GRIA2: variants seen among roughly 807,000 people sequenced by gnomAD.
GRIA2 encodes glutamate receptor 2.
GRIA2 carries 14 observed loss-of-function variants against 97.3 expected under a neutral mutation model. The observed-to-expected ratio is 0.14, with a 90% CI of 0.10 to 0.23. The LOEUF is 0.23. Ranked by LOEUF, GRIA2 falls within the 10% of genes least tolerant of loss-of-function variation. The probability of loss-of-function intolerance (pLI) is 1.00; values close to 1 mark genes in which losing one functional copy is unlikely to be tolerated. For missense variants in GRIA2, 558 were observed against 1,069.8 expected, an observed-to-expected ratio of 0.52 and a Z score of 6.67; for synonymous variants, 412 against 387.8, an observed-to-expected ratio of 1.06 and a Z score of -0.73.
At position 157,359,957 on chromosome 4, in the gene GRIA2, T is replaced by C. The variant is rs1290925175; in HGVS notation, c.2105T>C (p.Val702Ala). Residue 702 changes from valine (V) to alanine (A), a missense_variant, in exon 13 of 16, where the codon GTG (valine) becomes GCG (alanine). Physicochemically the swap from Val to Ala is moderately conservative, Grantham distance 64 (BLOSUM62 0). Transcript: ENST00000264426. ...TACATGCGGAGTGCGGAGCCCTCTG[T>C]GTTTGTGAGGACTACGGCCGAAGGG... ...WTYMRSAEPS[V>A]FVRTTAEGVA... 1 of 1,613,338 alleles carries C rather than the reference T, an allele frequency of 6.2e-7. No individual in the cohort carries two copies. Among genetic ancestry groups the C allele is most frequent in the Non-Finnish European group, 8.5e-7 (1 of 1,179,554 alleles).
intron 2 of GRIA2, among the ~76,000 whole-genome samples, chr4:157,250,981 C>T (rs1730993536): frequency 6.6e-6 from 1 of 152,022 alleles, no homozygotes; most frequent in African/African-American, 2.4e-5. Context: ...CTGTTTTTCT[C>T]CTTTCACCTT....
intron 6 of GRIA2, among the ~76,000 whole-genome samples, chr4:157,325,233 G>A (rs1203170423): frequency 6.6e-6 from 1 of 152,016 alleles, no homozygotes; most frequent in East Asian, 1.9e-4. Context: ...AAAATAAAAT[G>A]TAAATAAGGT....
intron 6 of GRIA2, among the ~76,000 whole-genome samples, chr4:157,325,740 T>G (rs928173651): frequency 6.6e-6 from 1 of 152,196 alleles, no homozygotes; most frequent in African/African-American, 2.4e-5. Flanking sequence ...TCTCTTTCTC[T>G]TGTAATCTAC....
At chr4:157,255,078 C>T (rs2126751716) in intron 2 of GRIA2, among the ~76,000 whole-genome samples, 1 of 152,120 alleles carries the variant, frequency 6.6e-6, no homozygotes, top group African/African-American at 2.4e-5. Flanking sequence ...CTACCACCTT[C>T]TCTCCCTCTT....
At chr4:157,231,521 T>C (rs1466881110) in intron 2 of GRIA2, among the ~76,000 whole-genome samples, 1 of 152,190 alleles carries the variant, frequency 6.6e-6, no homozygotes, top group Non-Finnish European at 1.5e-5. Context: ...TTTAAGGTGC[T>C]TTATTATTCT....
At chr4:157,265,170 T>G (rs1294578650) in intron 2 of GRIA2, among the ~76,000 whole-genome samples, 2 of 152,124 alleles carry the variant, frequency 1.3e-5, no homozygotes, top group Non-Finnish European at 2.9e-5. Context: ...GGGCACCTGC[T>G]GTAAACCAGT....
At chr4:157,354,890 T>C (rs543517768) in intron 12 of GRIA2, among the ~76,000 whole-genome samples, 3 of 152,274 alleles carry the variant, frequency 2.0e-5, no homozygotes, top group Admixed American at 1.3e-4. Context: ...ATTAGCATTT[T>C]AAGTCTTCCC....
At position 157,362,971 on chromosome 4, in the gene GRIA2, C is replaced by T. The variant is rs756724003; in HGVS notation, c.2579C>T (p.Ser860Leu). 1.1e-5 allele frequency: 18 copies of T among 1,613,242 alleles called. No homozygotes were observed. The highest frequency in any genetic ancestry group is 1.7e-5 in the Admixed American group (1 of 59,942). ...KNAQNINPSS[S>L]QNSQNFATYK... is the part of the protein sequence containing the mutation. ...GCACAGAATATTAACCCATCTTCCTCGCAGAATTCACAGAATTTTGCAACT... is the reference window on the plus strand; with the variant it reads ...GCACAGAATATTAACCCATCTTCCTTGCAGAATTCACAGAATTTTGCAACT... The change falls in exon 15 of 16, where the codon TCG (serine) becomes TTG (leucine). Residue 860 changes from serine (S) to leucine (L), a missense_variant. By Grantham distance (145) the Ser-to-Leu change is moderately radical (BLOSUM62 -2). Around this residue, in one of 8 missense-constraint regions of GRIA2, gnomAD observed 54 missense variants for 82.1 expected, o/e 0.66. Transcript: ENST00000264426.
intron 2 of GRIA2, among the ~76,000 whole-genome samples, chr4:157,223,910 G>C (rs988381651): frequency 3.9e-5 from 6 of 152,044 alleles, no homozygotes; most frequent in Admixed American, 2.6e-4. Context: ...AAAAGACTGT[G>C]ATTAGGTTAT....
chr4:157,299,020 G>A (rs1274119409), intron 2 of GRIA2, among the ~76,000 whole-genome samples: 1 of 151,964 alleles, frequency 6.6e-6, no homozygotes, highest in Non-Finnish European at 1.5e-5. Context: ...AAGAAGATAA[G>A]GCAGTGAAAG....
Position 157,258,133 on chromosome 4 carries a change from G to T in GRIA2, c.229+36326G>T, listed in dbSNP as rs376542809. Reference sequence around the variant, plus strand: ...GTTAACTACACAAATTGTTTAAACAGTATGAAATCTGGGCACCTTGACAAA... The same window carrying T: ...GTTAACTACACAAATTGTTTAAACATTATGAAATCTGGGCACCTTGACAAA... On this transcript the variant is annotated intron_variant, in intron 2 of 15. Transcript: ENST00000264426. 2.0e-5 allele frequency among the ~76,000 whole-genome samples: 3 copies of T among 151,958 alleles called. No individual in the cohort carries two copies. The East Asian group carries it at 5.8e-4, about 29-fold the overall frequency.
intron 12 of GRIA2, among the ~76,000 whole-genome samples, chr4:157,355,665 T>C (rs1376472521): frequency 1.0e-5 from 1 of 95,498 alleles, no homozygotes; most frequent in Non-Finnish European, 1.9e-5. Context: ...TATTTATATT[T>C]ATTTTTATAT....
intron 3 of GRIA2, among the ~76,000 whole-genome samples, chr4:157,310,558 A>T (rs1445315007): frequency 6.6e-6 from 1 of 152,042 alleles, no homozygotes; most frequent in East Asian, 1.9e-4. Flanking sequence ...TTAGAAACAA[A>T]TACCAGACAT....
intron 2 of GRIA2, among the ~76,000 whole-genome samples, chr4:157,263,245 A>T (rs960078092): frequency 3.3e-5 from 5 of 151,888 alleles, no homozygotes; most frequent in African/African-American, 1.2e-4. Context: ...TTCTTTTCTC[A>T]TTCCCTGGTG....
At chr4:157,307,917 G>A (rs902161396) in intron 3 of GRIA2, among the ~76,000 whole-genome samples, 3 of 152,182 alleles carry the variant, frequency 2.0e-5, no homozygotes, top group Admixed American at 6.5e-5. Flanking sequence ...GCTGATGAGG[G>A]AAATATATGT....
chr4:157,262,555 G>A (rs180808726), intron 2 of GRIA2, among the ~76,000 whole-genome samples: 91 of 152,100 alleles, frequency 6.0e-4, no homozygotes, highest in African/African-American at 2.1e-3. Flanking sequence ...AATTTTGAGT[G>A]CCCATATGGC....
At chr4:157,235,080 C>T (rs910248724) in intron 2 of GRIA2, among the ~76,000 whole-genome samples, 6 of 152,074 alleles carry the variant, frequency 3.9e-5, no homozygotes, top group African/African-American at 1.4e-4. Context: ...GTCAAAATTA[C>T]TCTTTTAAAG....
intron 2 of GRIA2, among the ~76,000 whole-genome samples, chr4:157,223,566 A>T (rs946883477): frequency 1.3e-5 from 2 of 152,218 alleles, no homozygotes; most frequent in African/African-American, 4.8e-5. Flanking sequence ...TATTCATTTG[A>T]TATCAGTAAG....
intron 2 of GRIA2, among the ~76,000 whole-genome samples, chr4:157,261,341 GT>G (rs1333901976): frequency 6.6e-6 from 1 of 152,032 alleles, no homozygotes. Context: ...CAAAATGTGG[GT>G]ATGCACTAAA....
Sources: allele counts gnomAD v4.1 joint callset (sites outside exome capture counted in the v4.1 genomes callset), GRCh38; gene constraint gnomAD v4.1.1; regional missense constraint gnomAD v4.1.1; transcripts MANE v1.5; gene names NCBI Gene and HGNC (gene_info 2026-07-23, HGNC 2026-07-21).